The following ST6GALNAC3 variants were observed in gnomAD, a reference collection of about 807,000 sequenced individuals.
The protein encoded by ST6GALNAC3 is alpha-N-acetylgalactosaminide alpha-2,6-sialyltransferase 3.
In ST6GALNAC3, 25 loss-of-function variants were observed where a neutral mutation model predicts 32.7. That is an observed-to-expected ratio of 0.76 (90% CI 0.56 to 1.07). The LOEUF is 1.07. Ranked by LOEUF, ST6GALNAC3 falls within the 50% of genes least tolerant of loss-of-function variation. The pLI, the probability that ST6GALNAC3 is intolerant of heterozygous loss-of-function variation, is 0.00. For missense variants in ST6GALNAC3, 355 were observed against 382.4 expected, an observed-to-expected ratio of 0.93 and a Z score of 0.60; for synonymous variants, 129 against 133.1, an observed-to-expected ratio of 0.97 and a Z score of 0.21.
At chr1:76,634,995 G>A (rs1005254020), downstream of ST6GALNAC3, among the ~76,000 whole-genome samples, 5 of 152,124 alleles carry the variant, frequency 3.3e-5, no homozygotes, top group Non-Finnish European at 7.4e-5. Context: ...TATCCAAGTC[G>A]GAAACATATC....
intron 1 of ST6GALNAC3, among the ~76,000 whole-genome samples, chr1:76,311,731 C>A (rs1646767587): frequency 6.6e-6 from 1 of 152,090 alleles, no homozygotes; most frequent in South Asian, 2.1e-4. Context: ...AATGGTGCTG[C>A]AATAAACATA....
chr1:76,555,427 T>C (rs1291400754), intron 3 of ST6GALNAC3, among the ~76,000 whole-genome samples: 1 of 152,156 alleles, frequency 6.6e-6, no homozygotes, highest in Non-Finnish European at 1.5e-5. Flanking sequence ...AAAGGATTCT[T>C]CCTGCTTTCA....
At chr1:76,480,534 C>T (rs1205371230) in intron 3 of ST6GALNAC3, among the ~76,000 whole-genome samples, 1 of 152,020 alleles carries the variant, frequency 6.6e-6, no homozygotes, top group Non-Finnish European at 1.5e-5. Flanking sequence ...GAAATGTCAC[C>T]TAGTTCAGTC....
chr1:76,100,463 G>A (rs571476651), intron 1 of ST6GALNAC3, among the ~76,000 whole-genome samples: 25 of 152,146 alleles, frequency 1.6e-4, no homozygotes, highest in Middle Eastern at 6.8e-3. Flanking sequence ...TGTATTTTCT[G>A]CTTAATTCTG....
chr1:76,526,474 C>A (rs188284032), intron 3 of ST6GALNAC3, among the ~76,000 whole-genome samples: 9 of 151,906 alleles, frequency 5.9e-5, no homozygotes, highest in Non-Finnish European at 8.8e-5. Flanking sequence ...TTTGAAGTGG[C>A]CTTCACACTA....
intron 1 of ST6GALNAC3, among the ~76,000 whole-genome samples, chr1:76,115,685 G>T (rs188452689): frequency 6.6e-6 from 1 of 151,976 alleles, no homozygotes; most frequent in Admixed American, 6.6e-5. Flanking sequence ...TTGTTTTCGG[G>T]GTTACCTTGG....
At chr1:76,338,031 T>C (rs999937649) in intron 2 of ST6GALNAC3, among the ~76,000 whole-genome samples, 3 of 152,160 alleles carry the variant, frequency 2.0e-5, no homozygotes, top group Non-Finnish European at 4.4e-5. Flanking sequence ...TTGGACCTTT[T>C]AGTTAGAAAG....
At chr1:76,511,541 C>T (rs186501154) in intron 3 of ST6GALNAC3, among the ~76,000 whole-genome samples, 22 of 152,310 alleles carry the variant, frequency 1.4e-4, no homozygotes, top group African/African-American at 4.1e-4. Context: ...CTGTTCTCCC[C>T]GGTAGGTTTA....
At chr1:76,342,406 C>T (rs1648121573) in intron 2 of ST6GALNAC3, among the ~76,000 whole-genome samples, 2 of 152,076 alleles carry the variant, frequency 1.3e-5, no homozygotes, top group Admixed American at 6.6e-5. Context: ...GCCATTCTAA[C>T]GGCATGAGAT....
chr1:76,427,178 G>T (rs1365080852), intron 3 of ST6GALNAC3, among the ~76,000 whole-genome samples: 1 of 151,982 alleles, frequency 6.6e-6, no homozygotes, highest in African/African-American at 2.4e-5. Flanking sequence ...TAAGACCAGG[G>T]CAAATCTAGT....
chr1:76,429,802 A>G (rs1355353875), intron 3 of ST6GALNAC3, among the ~76,000 whole-genome samples: 1 of 152,132 alleles, frequency 6.6e-6, no homozygotes, highest in Non-Finnish European at 1.5e-5. Flanking sequence ...TGTTCAAGTA[A>G]ATACAGGTAG....
chr1:76,143,427 G>A (rs866058438), intron 1 of ST6GALNAC3, among the ~76,000 whole-genome samples: 27 of 148,190 alleles, frequency 1.8e-4, no homozygotes, highest in African/African-American at 4.9e-4. Flanking sequence ...GTGTGTGTCC[G>A]TCTGTGTGTG....
intron 3 of ST6GALNAC3, among the ~76,000 whole-genome samples, chr1:76,573,715 T>C (rs1570328551): frequency 6.6e-6 from 1 of 151,986 alleles, no homozygotes; most frequent in East Asian, 1.9e-4. Flanking sequence ...AAAATAAATA[T>C]GAAAAATGGA....
At chr1:76,376,203 C>A (rs1170550495) in intron 2 of ST6GALNAC3, among the ~76,000 whole-genome samples, 2 of 151,944 alleles carry the variant, frequency 1.3e-5, no homozygotes, top group East Asian at 3.9e-4. Flanking sequence ...TATCTTTCAT[C>A]CAGTTTTCTC....
In ST6GALNAC3 at chr1:76,517,808, T is replaced by A. The variant is rs114572100; in HGVS notation, c.623+105391T>A. ...TCTTACAGTCAAGATTTATTAAAAT[T>A]GAGATTTTAAATGTATGCAATTGGA... On this transcript the variant is annotated intron_variant, in intron 3 of 4. Transcript: ENST00000328299. Among the ~76,000 whole-genome samples the A allele has an allele frequency of 3.9e-3, 600 of 152,064 alleles. 6 individuals carry two copies. The highest frequency in any genetic ancestry group is 0.014 in the African/African-American group (582 of 41,516).
chr1:76,457,979 T>G (rs1434900854), intron 3 of ST6GALNAC3, among the ~76,000 whole-genome samples: 1 of 149,554 alleles, frequency 6.7e-6, no homozygotes, highest in East Asian at 2.0e-4. Flanking sequence ...TTTCGCAACC[T>G]ACTCATCTGA....
intron 2 of ST6GALNAC3, among the ~76,000 whole-genome samples, chr1:76,356,779 G>C (rs2101038319): frequency 6.6e-6 from 1 of 152,296 alleles, no homozygotes; most frequent in African/African-American, 2.4e-5. Flanking sequence ...GATCTTCGGT[G>C]CCTGAGCATA....
chr1:76,424,552 A>C (rs1019680525), intron 3 of ST6GALNAC3, among the ~76,000 whole-genome samples: 4 of 151,960 alleles, frequency 2.6e-5, no homozygotes, highest in Admixed American at 2.6e-4. Context: ...GGAGTAACCC[A>C]TTATTTATAA....
chr1:76,527,621 G>A (rs1474864464), intron 3 of ST6GALNAC3, among the ~76,000 whole-genome samples: 2 of 152,096 alleles, frequency 1.3e-5, no homozygotes, highest in Non-Finnish European at 2.9e-5. Context: ...CAGAGACACT[G>A]TCAAGTCTCT....
Sources: allele counts gnomAD v4.1 joint callset (sites outside exome capture counted in the v4.1 genomes callset), GRCh38; gene constraint gnomAD v4.1.1; transcripts MANE v1.5; gene names NCBI Gene and HGNC (gene_info 2026-07-23, HGNC 2026-07-21).